Variants in PGAP3 observed in about 807,000 individuals in gnomAD.
The protein encoded by PGAP3 is GPI-specific phospholipase A2-like PGAP3.
In PGAP3, 31 loss-of-function variants were observed where a neutral mutation model predicts 40.3. The observed-to-expected ratio is 0.77, with a 90% CI of 0.58 to 1.04. The LOEUF (loss-of-function observed/expected upper bound fraction) is 1.04, where lower values mean the gene tolerates loss of function less well. PGAP3 is among the 50% of genes least tolerant of loss of function. PGAP3 has a pLI of 0.00. For missense variants in PGAP3, 413 were observed against 423.0 expected (o/e 0.98, Z 0.21); for synonymous variants, 191 against 184.5 (o/e 1.04, Z -0.29).
chr17:39,687,884 C>A lies in PGAP3; in HGVS notation c.131G>T (p.Gly44Val). Residue 44 changes from glycine (G) to valine (V), a missense_variant, in exon 1 of 8, where the codon GGC becomes GTC. Transcript: ENST00000300658. ...LQCEEQNCSG[G>V]ALNHFRSRQP... ...GCGGGAGCGGAAGTGATTCAGAGCG[C>A]CCCCAGAGCAGTTCTGCTCTTCGCA... is the stretch of plus-strand genomic sequence containing the variant. 1 of 1,511,378 alleles carries A rather than the reference C, an allele frequency of 6.6e-7. No individual in the cohort carries two copies. The highest frequency in any genetic ancestry group is 8.9e-7 in the Non-Finnish European group (1 of 1,118,560). 93.6% of individuals were successfully genotyped at this position (1,511,378 alleles called of 1,614,324 possible).
At chr17:39,673,969 C>T (rs779735860) in intron 5 of PGAP3, 24 bp downstream of exon 5, 2 of 1,612,974 alleles carry the variant, frequency 1.2e-6, no homozygotes, top group South Asian at 2.2e-5. Context: ...GATTTTGCCC[C>T]TGCAGCCACC....
At chr17:39,679,189 C>A (rs2057410359) in intron 3 of PGAP3, among the ~76,000 whole-genome samples, 1 of 152,174 alleles carries the variant, frequency 6.6e-6, no homozygotes, top group African/African-American at 2.4e-5. Context: ...AGATGATCCA[C>A]CTGCCTCAGC....
rs534415085 is a variant in PGAP3 at position 39,682,985 on chromosome 17, G to C, written c.432+1612C>G. ...CCAGCTGCTCAGGAGGCTGAGGCAG[G>C]AGAATCGCTTGAACTGGGAGGCAGA... On this transcript the variant is annotated intron_variant, in intron 3 of 7. Coordinates refer to ENST00000300658, the MANE Select transcript of PGAP3 (RefSeq NM_033419.5). Among the ~76,000 whole-genome samples the C allele has an allele frequency of 4.6e-5, 7 of 152,214 alleles. No homozygotes were observed. The South Asian group carries it at 1.2e-3, about 27-fold the overall frequency.
intron 3 of PGAP3, among the ~76,000 whole-genome samples, chr17:39,678,595 C>A (rs1334851024): frequency 6.6e-6 from 1 of 152,196 alleles, no homozygotes; most frequent in Non-Finnish European, 1.5e-5. Flanking sequence ...AGGTACCCTT[C>A]CCCCAAGACT....
chr17:39,673,734 T>C (rs1173949663), intron 5 of PGAP3, 84 bp from the exon 6 acceptor site: 4 of 1,560,570 alleles, frequency 2.6e-6, no homozygotes, highest in African/African-American at 1.4e-5. Flanking sequence ...CCCCCCAACA[T>C]TGGTGCATGG....
At chr17:39,687,518 C>A (rs1555610797) in intron 1 of PGAP3, among the ~76,000 whole-genome samples, 1 of 152,244 alleles carries the variant, frequency 6.6e-6, no homozygotes, top group Non-Finnish European at 1.5e-5. Context: ...CTCTGCCTTG[C>A]ACTTGAAAAG....
At chr17:39,674,130 G>T in intron 4 of PGAP3, 76 bp from the exon 5 acceptor site, 2 of 1,445,560 alleles carry the variant, frequency 1.4e-6, no homozygotes, top group South Asian at 1.2e-5. Context: ...GGGCATGGAG[G>T]AGTGGCAGAG....
intron 5 of PGAP3, 120 bp downstream of exon 5, chr17:39,673,873 G>A: frequency 7.7e-7 from 1 of 1,300,556 alleles, no homozygotes; most frequent in South Asian, 1.3e-5. Flanking sequence ...CTGATGTGTT[G>A]GGGGTTGGGG....
intron 2 of PGAP3, among the ~76,000 whole-genome samples, chr17:39,685,356 G>A: frequency 6.6e-6 from 1 of 151,266 alleles, no homozygotes; most frequent in East Asian, 1.9e-4. Context: ...GCTGGGTGTG[G>A]TGGCACACAC....
Position 39,673,517 on chromosome 17 carries a change from T to C in PGAP3, c.691A>G (p.Ile231Val), listed in dbSNP as rs752252724. 20 of 1,613,750 alleles carry C rather than the reference T, an allele frequency of 1.2e-5. No individual in the cohort carries two copies. In the South Asian group the frequency reaches 1.8e-4, roughly 14 times the overall value. Reference protein sequence around the residue: ...YGYNLVANVAIGLVNVVWWLA... With the variant: ...YGYNLVANVAVGLVNVVWWLA... ...CCCAAGCCCCCCAGGGCCTCACCAA[T>C]AGCCACGTTGGCCACCAGGTTGTAG... The change falls in exon 6 of 8, where the codon ATT becomes GTT. Residue 231 changes from isoleucine to valine, a missense_variant. Transcript: ENST00000300658.
chr17:39,672,879 G>C lies in PGAP3; in HGVS notation c.900-13C>G. The C allele has an allele frequency of 1.2e-6, 2 of 1,613,522 alleles. No homozygotes were observed. The highest frequency in any genetic ancestry group is 8.5e-7 in the Non-Finnish European group (1 of 1,179,518). On this transcript the variant is annotated splice_polypyrimidine_tract_variant and intron_variant, in intron 7 of 7. Coordinates refer to ENST00000300658, the MANE Select transcript of PGAP3 (RefSeq NM_033419.5). ...ATCTTCCAGAAAGCTGTGGGCCAAA[G>C]GAGTAGCCCATTGAGGCACACAGCT...
rs1044878854 is a variant in PGAP3, at chr17:39,673,338, C to G, written c.695-83G>C. On this transcript the variant is annotated intron_variant, in intron 6 of 7. Coordinates refer to ENST00000300658, the MANE Select transcript of PGAP3 (RefSeq NM_033419.5). ...ACCCCCAACTCCATGCTCTCTGACC[C>G]CAGGATCATCCTCGGACTCTCCTCC... is the stretch of plus-strand genomic sequence containing the variant. The G allele has an allele frequency of 6.4e-6, 10 of 1,562,222 alleles. No homozygotes were observed. The African/African-American group carries it at 1.4e-4, about 21-fold the overall frequency.
rs1389601215 is a variant in PGAP3, at chr17:39,672,628, C to T, written c.*175G>A. The T allele has an allele frequency of 1.4e-5, 10 of 692,302 alleles. No individual in the cohort carries two copies. In the East Asian group the frequency reaches 1.9e-4, roughly 13 times the overall value. The allele number at this position is 692,302 out of a possible 1,614,324, so 42.9% of individuals were successfully genotyped here. ...TGGGAGGCCTTCCCTAGAACAGACT[C>T]CAAGGCTGGTGAGGGCCAACAGGGG... On this transcript the variant is annotated 3_prime_UTR_variant, in exon 8 of 8. Transcript: ENST00000300658.
chr17:39,680,511 A>G (rs1242819151), intron 3 of PGAP3, among the ~76,000 whole-genome samples: 4 of 152,120 alleles, frequency 2.6e-5, no homozygotes, highest in African/African-American at 9.7e-5. Context: ...TCCCAAGTCT[A>G]AGGCTCGGCC....
chr17:39,674,586 G>T, intron 4 of PGAP3, 31 bp downstream of exon 4: 1 of 1,542,310 alleles, frequency 6.5e-7, no homozygotes, highest in African/African-American at 1.4e-5. Flanking sequence ...GGACCACCCT[G>T]TGCAGGAGGG....
In PGAP3 at chr17:39,671,589, G is replaced by A. The variant is rs556176341; in HGVS notation, c.*1214C>T. 1 of 152,542 alleles carries A rather than the reference G, an allele frequency of 6.6e-6. No individual in the cohort carries two copies. The highest frequency in any genetic ancestry group is 1.9e-4 in the East Asian group (1 of 5,280). The allele number at this position is 152,542 out of a possible 1,614,324, so 9.4% of individuals were successfully genotyped here. ...AAGGGGCTGGCAGCAGGGGAATGGA[G>A]GTTTTGGAGGGGAAGGCCAGCCATG... On this transcript the variant is annotated 3_prime_UTR_variant, in exon 8 of 8. Transcript: ENST00000300658.
chr17:39,678,704 G>A (rs773237403), intron 3 of PGAP3, among the ~76,000 whole-genome samples: 3 of 152,126 alleles, frequency 2.0e-5, no homozygotes, highest in Admixed American at 6.6e-5. Context: ...GTCCACTGCC[G>A]CACCCTCCAT....
At chr17:39,681,109 G>A (rs929118846) in intron 3 of PGAP3, among the ~76,000 whole-genome samples, 3 of 152,018 alleles carry the variant, frequency 2.0e-5, no homozygotes, top group East Asian at 1.9e-4. Flanking sequence ...CAAGCAATCC[G>A]CCCACTTCAG....
rs1324971590 is a variant in PGAP3 at position 39,674,650 on chromosome 17, T to A, written c.462A>T (p.Thr154=). 5.2e-6 allele frequency: 8 copies of A among 1,551,246 alleles called. No homozygotes were observed. In the South Asian group the frequency reaches 8.3e-5, roughly 16 times the overall value. The change falls in exon 4 of 8, where the codon ACA becomes ACT. Residue 154 remains threonine (T), a synonymous_variant. Coordinates refer to ENST00000300658, the MANE Select transcript of PGAP3 (RefSeq NM_033419.5). ...WVSLNAWFWS[T]VFHTRDTDLT... is the part of the protein sequence containing the mutation. ...GGTCAGTGTCCCTGGTGTGGAAAACTGTGGACCAGAACCATGCATTGAGGG... is the reference window on the plus strand; with the variant it reads ...GGTCAGTGTCCCTGGTGTGGAAAACAGTGGACCAGAACCATGCATTGAGGG...
Sources: gnomAD v4.1 joint callset for allele counts (sites outside exome capture counted in the v4.1 genomes callset) on GRCh38, gnomAD v4.1.1 for gene constraint, MANE v1.5 for transcripts, NCBI Gene and HGNC (gene_info 2026-07-23, HGNC 2026-07-21) for gene names.